The following DACH1 variants were observed in gnomAD, a reference collection of about 807,000 sequenced individuals.
The protein encoded by DACH1 is dachshund family transcription factor 1.
Under a neutral mutation model 54.2 loss-of-function variants are expected in DACH1, and 12 were observed. The ratio of observed to expected loss-of-function variants is 0.22; its 90% CI spans 0.14 to 0.36. The LOEUF is 0.36. Ranked by LOEUF, DACH1 falls within the 10% of genes least tolerant of loss-of-function variation. The pLI is 1.00. For missense variants in DACH1, 805 were observed against 929.8 expected (o/e 0.87, Z 1.75); for synonymous variants, 386 against 366.2 (o/e 1.05, Z -0.62).
intron 3 of DACH1, among the ~76,000 whole-genome samples, chr13:71,592,838 C>A (rs905604837): frequency 1.3e-5 from 2 of 152,144 alleles, no homozygotes; most frequent in Non-Finnish European, 1.5e-5. Flanking sequence ...CATCTTCAGT[C>A]TTTGAATTGC....
At chr13:71,599,931 A>T in intron 3 of DACH1, among the ~76,000 whole-genome samples, 1 of 152,084 alleles carries the variant, frequency 6.6e-6, no homozygotes, top group Non-Finnish European at 1.5e-5. Context: ...AAAATAACTG[A>T]TATGAGAAAG....
chr13:71,484,359 G>T lies in DACH1; in HGVS notation c.1722+4638C>A, dbSNP rs568380752. ...ATTTTTGTATTTTTGTAGAGGCAGG[G>T]TCTCCCTATGTTTCTCAGGCTGGTC... On this transcript the variant is annotated intron_variant, in intron 7 of 10. Transcript: ENST00000613252. Among the ~76,000 whole-genome samples, 171 of 152,276 alleles carry T rather than the reference G, an allele frequency of 1.1e-3. 1 individual carries two copies. The highest frequency in any genetic ancestry group is 3.9e-3 in the African/African-American group (162 of 41,558).
chr13:71,521,667 C>T (rs892574810), intron 6 of DACH1, among the ~76,000 whole-genome samples: 1 of 151,962 alleles, frequency 6.6e-6, no homozygotes, highest in Admixed American at 6.6e-5. Context: ...TGGGTGATTC[C>T]TCATGTCTTT....
At chr13:71,697,697 A>G (rs1355168887) in intron 1 of DACH1, among the ~76,000 whole-genome samples, 1 of 152,188 alleles carries the variant, frequency 6.6e-6, no homozygotes. Context: ...AGGGTTCTAG[A>G]TTATCAAAAA....
intron 2 of DACH1, among the ~76,000 whole-genome samples, chr13:71,666,681 G>C (rs1879856594): frequency 6.6e-6 from 1 of 151,722 alleles, no homozygotes; most frequent in Non-Finnish European, 1.5e-5. Flanking sequence ...GGAGCAAAAA[G>C]TGATATTAAG....
At chr13:71,547,026 T>G (rs1883506970) in intron 6 of DACH1, among the ~76,000 whole-genome samples, 1 of 152,082 alleles carries the variant, frequency 6.6e-6, no homozygotes, top group Non-Finnish European at 1.5e-5. Flanking sequence ...TCATTTATTA[T>G]GATAGCTTCC....
intron 3 of DACH1, among the ~76,000 whole-genome samples, chr13:71,621,162 C>T (rs1876206873): frequency 6.6e-6 from 1 of 151,888 alleles, no homozygotes; most frequent in Admixed American, 6.6e-5. Flanking sequence ...GCAGCTATTA[C>T]TCCCAGCCTA....
chr13:71,698,046 A>G (rs978452734), intron 1 of DACH1, among the ~76,000 whole-genome samples: 1 of 152,212 alleles, frequency 6.6e-6, no homozygotes, highest in Admixed American at 6.5e-5. Flanking sequence ...ATTAATTCTG[A>G]AATAAAGCGA....
chr13:71,797,871 C>T (rs1887120883), intron 1 of DACH1, among the ~76,000 whole-genome samples: 1 of 152,120 alleles, frequency 6.6e-6, no homozygotes, highest in Non-Finnish European at 1.5e-5. Flanking sequence ...CAGCATCCTA[C>T]TCCAGCACCT....
chr13:71,626,813 T>G (rs1274190016), intron 3 of DACH1, among the ~76,000 whole-genome samples: 1 of 152,050 alleles, frequency 6.6e-6, no homozygotes, highest in Non-Finnish European at 1.5e-5. Context: ...AATGAGCACC[T>G]GCCTGCTTTA....
chr13:71,566,732 C>CT (rs966603088), intron 4 of DACH1, among the ~76,000 whole-genome samples: 3 of 151,846 alleles, frequency 2.0e-5, no homozygotes, highest in Non-Finnish European at 4.4e-5. Flanking sequence ...AGGTTAACAT[C>CT]TTTTTTCATA....
Position 71,559,903 on chromosome 13 carries a change from C to T in DACH1, c.1352G>A (p.Arg451Lys). The T allele has an allele frequency of 6.2e-7, 1 of 1,609,336 alleles. No individual in the cohort carries two copies. Among genetic ancestry groups the T allele is most frequent in the Non-Finnish European group, 8.5e-7 (1 of 1,177,854 alleles). The change falls in exon 5 of 11, where the codon AGG (arginine) becomes AAG (lysine). Residue 451 changes from arginine to lysine, a missense_variant. Around this residue, in one of 3 missense-constraint regions of DACH1, gnomAD observed 472 missense variants for 545.3 expected, o/e 0.87. Transcript: ENST00000613252. The stretch of plus-strand genomic sequence containing the variant: ...ATGTGATGATGGGTGACTGCCAGGC[C>T]TTCTCCCCTCCTCCAGAGAGGGGGC... ...SPAPSLEEGR[R>K]PGSHPSSHRS...
intron 7 of DACH1, among the ~76,000 whole-genome samples, chr13:71,485,204 T>A (rs957034944): frequency 6.6e-6 from 1 of 151,544 alleles, no homozygotes; most frequent in South Asian, 2.1e-4. Context: ...TTGTTCTCCA[T>A]GGACAGGATT....
At chr13:71,723,244 A>AT (rs200876408) in intron 1 of DACH1, among the ~76,000 whole-genome samples, 2,847 of 128,070 alleles carry the variant, frequency 0.022, 81 homozygotes, top group African/African-American at 0.11. Flanking sequence ...CTCTACACAA[A>AT]TTAAAAAAAA....
intron 10 of DACH1, among the ~76,000 whole-genome samples, chr13:71,449,020 A>C (rs1174638079): frequency 6.6e-6 from 1 of 152,104 alleles, no homozygotes; most frequent in Non-Finnish European, 1.5e-5. Context: ...TTGTCTGTAC[A>C]CTCCAAATAC....
At chr13:71,742,112 G>T (rs957863292) in intron 1 of DACH1, among the ~76,000 whole-genome samples, 1 of 152,096 alleles carries the variant, frequency 6.6e-6, no homozygotes, top group Non-Finnish European at 1.5e-5. Flanking sequence ...AGGGGTTTCC[G>T]CTTTTGCTTC....
chr13:71,707,776 G>A (rs1437509641), intron 1 of DACH1, among the ~76,000 whole-genome samples: 1 of 151,986 alleles, frequency 6.6e-6, no homozygotes, highest in Non-Finnish European at 1.5e-5. Context: ...AAGACTAGAG[G>A]GTGGCATCTT....
chr13:71,510,083 T>C (rs1880657456), intron 6 of DACH1, among the ~76,000 whole-genome samples: 1 of 152,092 alleles, frequency 6.6e-6, no homozygotes, highest in Non-Finnish European at 1.5e-5. Context: ...TTCTTCATTC[T>C]TGACACCCTT....
At chr13:71,776,491 T>C (rs1014974138) in intron 1 of DACH1, among the ~76,000 whole-genome samples, 2 of 152,136 alleles carry the variant, frequency 1.3e-5, no homozygotes, top group African/African-American at 4.8e-5. Flanking sequence ...TCTTAATATA[T>C]TGATTAATAA....
Sources: gnomAD v4.1 joint callset for allele counts (sites outside exome capture counted in the v4.1 genomes callset) on GRCh38, gnomAD v4.1.1 for gene constraint, gnomAD v4.1.1 regional missense constraint, MANE v1.5 for transcripts, NCBI Gene and HGNC (gene_info 2026-07-23, HGNC 2026-07-21) for gene names.